The following PRKCA variants were observed in gnomAD, a reference collection of about 807,000 sequenced individuals.
The protein encoded by PRKCA is protein kinase C alpha.
PRKCA carries 27 observed loss-of-function variants against 87.0 expected under a neutral mutation model. The observed-to-expected ratio is 0.31, with a 90% confidence interval of 0.23 to 0.43. The LOEUF is 0.43. PRKCA is among the 20% of genes least tolerant of loss of function. The pLI, the probability that PRKCA is intolerant of heterozygous loss-of-function variation, is 1.00. For missense variants in PRKCA, 518 were observed against 852.3 expected (o/e 0.61, Z 4.88); for synonymous variants, 329 against 311.1 (o/e 1.06, Z -0.61).
chr17:66,602,829 G>A (rs1970089155), intron 3 of PRKCA, among the ~76,000 whole-genome samples: 1 of 152,144 alleles, frequency 6.6e-6, no homozygotes, highest in Non-Finnish European at 1.5e-5. Flanking sequence ...TGGGAGGAGT[G>A]TGCGCTGTGG....
In PRKCA at chr17:66,335,215, A is replaced by G. The variant is rs751276175; in HGVS notation, c.205+29088A>G. ...GTGATCATAGCTCATGACATCCTCC[A>G]TCTCCTGGCTCAAGCCATCCTCCCG... is the stretch of plus-strand genomic sequence containing the variant. On this transcript the variant is annotated intron_variant, in intron 2 of 16. Coordinates refer to ENST00000413366, the MANE Select transcript of PRKCA (RefSeq NM_002737.3). 7.9e-5 allele frequency among the ~76,000 whole-genome samples: 12 copies of G among 152,192 alleles called. No individual in the cohort carries two copies. In the South Asian group the frequency reaches 1.2e-3, roughly 16 times the overall value.
intron 2 of PRKCA, among the ~76,000 whole-genome samples, chr17:66,317,924 T>G: frequency 6.6e-6 from 1 of 152,236 alleles, no homozygotes; most frequent in East Asian, 1.9e-4. Flanking sequence ...GATTCTTAAG[T>G]ATTTACAATG....
Position 66,437,731 on chromosome 17 carries a change from T to TTTTTTTTTTTTTTTG in PRKCA, c.206-58470_206-58469insTTTTTTTTTTTTTTG, listed in dbSNP as rs55779501. ...TTGTTTCAAGTTTCCTTTTTTTTTT[T>TTTTTTTTTTTTTTTG]GAGCGGGGGGTGGGTGGGGCGGGGG... On this transcript the variant is annotated intron_variant, in intron 2 of 16. Coordinates refer to ENST00000413366, the MANE Select transcript of PRKCA (RefSeq NM_002737.3). Among the ~76,000 whole-genome samples the TTTTTTTTTTTTTTTG allele has an allele frequency of 1.8e-4, 2 of 11,142 alleles. 1 individual carries two copies. 7.3% of individuals were successfully genotyped at this position (11,142 alleles called of 152,430 possible).
intron 2 of PRKCA, among the ~76,000 whole-genome samples, chr17:66,317,998 T>C (rs1905414106): frequency 6.6e-6 from 1 of 152,230 alleles, no homozygotes; most frequent in African/African-American, 2.4e-5. Context: ...TTAATGCTGT[T>C]ATAGTTGGGA....
chr17:66,795,220 G>A (rs1975639473), intron 16 of PRKCA, among the ~76,000 whole-genome samples: 1 of 152,118 alleles, frequency 6.6e-6, no homozygotes, highest in Non-Finnish European at 1.5e-5. Context: ...CAGGTAAAAG[G>A]AGGAGGGAGG....
intron 2 of PRKCA, among the ~76,000 whole-genome samples, chr17:66,449,477 C>CA (rs1213416120): frequency 6.6e-6 from 1 of 152,070 alleles, no homozygotes; most frequent in Non-Finnish European, 1.5e-5. Context: ...TATATTCTTT[C>CA]AATTGAACCT....
chr17:66,551,258 T>C (rs941299655), intron 3 of PRKCA, among the ~76,000 whole-genome samples: 1 of 152,174 alleles, frequency 6.6e-6, no homozygotes, highest in African/African-American at 2.4e-5. Context: ...AGAGACAGGG[T>C]TTTGCCATGT....
chr17:66,675,984 C>G (rs1392483192), intron 5 of PRKCA, among the ~76,000 whole-genome samples: 1 of 152,130 alleles, frequency 6.6e-6, no homozygotes, highest in African/African-American at 2.4e-5. Flanking sequence ...CTTGACCGCC[C>G]CCGGAACATC....
chr17:66,591,627 T>C (rs979374488), intron 3 of PRKCA, among the ~76,000 whole-genome samples: 4 of 152,194 alleles, frequency 2.6e-5, no homozygotes, highest in Admixed American at 6.5e-5. Context: ...GCCCCCACTT[T>C]GGTGGTTTAA....
intron 2 of PRKCA, among the ~76,000 whole-genome samples, chr17:66,456,057 C>T (rs1466321515): frequency 2.0e-5 from 3 of 151,800 alleles, no homozygotes; most frequent in African/African-American, 4.8e-5. Context: ...AGGAAGGCCA[C>T]GAGATACTGG....
intron 2 of PRKCA, among the ~76,000 whole-genome samples, chr17:66,329,222 G>A (rs1906178987): frequency 6.6e-6 from 1 of 152,126 alleles, no homozygotes. Context: ...AGAAGGGAGA[G>A]GAGGGTATCA....
At chr17:66,447,031 T>C (rs755879835) in intron 2 of PRKCA, among the ~76,000 whole-genome samples, 1 of 152,132 alleles carries the variant, frequency 6.6e-6, no homozygotes, top group Admixed American at 6.6e-5. Context: ...TCCCTTCCAG[T>C]GTAAGAAGTA....
At chr17:66,355,140 A>C (rs1452475850) in intron 2 of PRKCA, among the ~76,000 whole-genome samples, 1 of 152,216 alleles carries the variant, frequency 6.6e-6, no homozygotes, top group Non-Finnish European at 1.5e-5. Context: ...ACATTCCTAG[A>C]GGTCAGATTT....
chr17:66,381,752 T>A (rs1909785495), intron 2 of PRKCA, among the ~76,000 whole-genome samples: 1 of 152,220 alleles, frequency 6.6e-6, no homozygotes, highest in South Asian at 2.1e-4. Flanking sequence ...TGCTGGCTTC[T>A]AAGAAATAGT....
Position 66,688,351 on chromosome 17 carries a change from G to T in PRKCA, c.736G>T (p.Asp246Tyr). The change falls in exon 7 of 17, where the codon GAC becomes TAC. Residue 246 changes from aspartate to tyrosine, a missense_variant. Physicochemically the swap from Asp to Tyr is radical, Grantham distance 160. Transcript: ENST00000413366. The stretch of plus-strand genomic sequence containing the variant: ...CCGACGACTGTCTGTAGAAATCTGG[G>T]ACTGGGATCGAACAACAAGGAATGA... ...KDRRLSVEIW[D>Y]WDRTTRNDFM... 6.2e-7 allele frequency: 1 copy of T among 1,614,172 alleles called. No individual in the cohort carries two copies. The highest frequency in any genetic ancestry group is 2.2e-5 in the East Asian group (1 of 44,888).
chr17:66,427,896 A>G (rs1912898658), intron 2 of PRKCA, among the ~76,000 whole-genome samples: 1 of 152,206 alleles, frequency 6.6e-6, no homozygotes, highest in Non-Finnish European at 1.5e-5. Context: ...TATGAAAGTT[A>G]ATGTTTAATC....
chr17:66,704,697 T>C (rs1324217072), intron 8 of PRKCA, among the ~76,000 whole-genome samples: 1 of 152,208 alleles, frequency 6.6e-6, no homozygotes, highest in Non-Finnish European at 1.5e-5. Context: ...GCCTGAAAAA[T>C]CAAATGTGTA....
chr17:66,545,807 T>C (rs1968130773), intron 3 of PRKCA, among the ~76,000 whole-genome samples: 1 of 152,246 alleles, frequency 6.6e-6, no homozygotes. Flanking sequence ...TTAGTGAATG[T>C]TGGTGGAAAA....
chr17:66,675,281 T>G (rs546946134), intron 5 of PRKCA, among the ~76,000 whole-genome samples: 7 of 152,190 alleles, frequency 4.6e-5, no homozygotes, highest in African/African-American at 7.2e-5. Context: ...ATAAGGGCAC[T>G]GATCCTCTCC....
Sources: allele counts gnomAD v4.1 joint callset (sites outside exome capture counted in the v4.1 genomes callset), GRCh38; gene constraint gnomAD v4.1.1; transcripts MANE v1.5; gene names NCBI Gene and HGNC (gene_info 2026-07-23, HGNC 2026-07-21).